NELL2: variants seen among roughly 807,000 people sequenced by gnomAD.
The protein encoded by NELL2 is neural EGFL like 2.
A neutral mutation model predicts 109.6 loss-of-function variants in NELL2; 41 were observed. That is an observed-to-expected ratio of 0.37 (90% confidence interval 0.29 to 0.49). NELL2 has a LOEUF of 0.49. Among genes scored for constraint, NELL2 ranks in the 20% least tolerant of loss-of-function variants. The pLI, the probability that NELL2 is intolerant of heterozygous loss-of-function variation, is 0.98. For missense variants in NELL2, 900 were observed against 1,008.3 expected, an observed-to-expected ratio of 0.89 and a Z score of 1.45; for synonymous variants, 355 against 344.7, an observed-to-expected ratio of 1.03 and a Z score of -0.33.
At chr12:44,643,311 C>G (rs893431401) in intron 13 of NELL2, among the ~76,000 whole-genome samples, 1 of 151,998 alleles carries the variant, frequency 6.6e-6, no homozygotes, top group Admixed American at 6.6e-5. Flanking sequence ...AGCTACAATA[C>G]CATTCTAAAT....
At chr12:44,852,000 G>T (rs1322119739) in intron 2 of NELL2, among the ~76,000 whole-genome samples, 1 of 152,006 alleles carries the variant, frequency 6.6e-6, no homozygotes, top group Non-Finnish European at 1.5e-5. Flanking sequence ...TTAAAAGCAA[G>T]TATCTCTGCA....
intron 1 of NELL2, 182 bp downstream of exon 1, chr12:44,875,633 T>C (rs1945295952): frequency 6.2e-7 from 1 of 1,604,594 alleles, no homozygotes. Context: ...GTGATCCGCC[T>C]CGCGGTCTCC....
chr12:44,738,689 G>A (rs1319526814), intron 9 of NELL2, among the ~76,000 whole-genome samples: 3 of 152,128 alleles, frequency 2.0e-5, no homozygotes, highest in Admixed American at 6.5e-5. Context: ...AAGGATGTTG[G>A]TCAAAGGATA....
chr12:44,770,940 A>T (rs565413185), intron 9 of NELL2, among the ~76,000 whole-genome samples: 1 of 152,350 alleles, frequency 6.6e-6, no homozygotes, highest in African/African-American at 2.4e-5. Flanking sequence ...CAGAAAAATT[A>T]AATTGTTTCC....
chr12:44,531,493 C>A (rs185348556), intron 16 of NELL2, among the ~76,000 whole-genome samples: 1 of 152,212 alleles, frequency 6.6e-6, no homozygotes, highest in Non-Finnish European at 1.5e-5. Context: ...ATGCAAATGC[C>A]AGGTTTTAGC....
At chr12:44,779,317 A>T (rs916406344) in intron 5 of NELL2, among the ~76,000 whole-genome samples, 2 of 152,206 alleles carry the variant, frequency 1.3e-5, no homozygotes, top group African/African-American at 4.8e-5. Context: ...ACATCTTTGT[A>T]AAAGTATCAT....
At chr12:44,597,540 C>T (rs143673725) in intron 15 of NELL2, among the ~76,000 whole-genome samples, 2 of 152,306 alleles carry the variant, frequency 1.3e-5, no homozygotes, top group Admixed American at 6.5e-5. Flanking sequence ...TTGGCTCATA[C>T]TTAACTTCGA....
intron 3 of NELL2, among the ~76,000 whole-genome samples, chr12:44,783,854 G>T (rs975841167): frequency 6.6e-6 from 1 of 151,844 alleles, no homozygotes; most frequent in Non-Finnish European, 1.5e-5. Context: ...CCAAAAAACA[G>T]ATAAAGATAG....
chr12:44,518,362 A>G (rs575928422), intron 19 of NELL2, among the ~76,000 whole-genome samples: 14 of 151,596 alleles, frequency 9.2e-5, no homozygotes, highest in Admixed American at 1.3e-4. Flanking sequence ...CTCCTACCTC[A>G]GCCTCCTGAG....
chr12:44,554,836 G>T (rs1947351), intron 15 of NELL2, among the ~76,000 whole-genome samples: 112,210 of 152,082 alleles, frequency 0.74, 42,581 homozygotes, highest in East Asian at 1. Flanking sequence ...TGAGGAGGGA[G>T]AGTTGGTGTG....
intron 13 of NELL2, among the ~76,000 whole-genome samples, chr12:44,653,488 C>G (rs1947375925): frequency 6.6e-6 from 1 of 152,110 alleles, no homozygotes; most frequent in Admixed American, 6.6e-5. Context: ...TACGCCATTT[C>G]CTGTCTTCTG....
intron 9 of NELL2, among the ~76,000 whole-genome samples, chr12:44,733,892 T>C (rs1939503302): frequency 6.6e-6 from 1 of 152,066 alleles, no homozygotes; most frequent in Admixed American, 6.5e-5. Flanking sequence ...ATTTCAGTTC[T>C]TTGAAATTTG....
intron 13 of NELL2, among the ~76,000 whole-genome samples, chr12:44,646,086 T>C (rs1346205516): frequency 6.6e-6 from 1 of 152,068 alleles, no homozygotes; most frequent in Non-Finnish European, 1.5e-5. Context: ...TTATCCTCCA[T>C]AGCATCAAGC....
chr12:44,654,601 C>T (rs758038803), intron 13 of NELL2, among the ~76,000 whole-genome samples: 5 of 152,144 alleles, frequency 3.3e-5, no homozygotes, highest in Non-Finnish European at 7.4e-5. Context: ...AGATTCCTGA[C>T]CCACAGACAC....
At chr12:44,564,967 A>G (rs1024919373) in intron 15 of NELL2, among the ~76,000 whole-genome samples, 1 of 152,182 alleles carries the variant, frequency 6.6e-6, no homozygotes, top group African/African-American at 2.4e-5. Flanking sequence ...TGGTTCTCAC[A>G]GTGTGGACCC....
At chr12:44,769,837 C>G (rs1566352623) in intron 9 of NELL2, among the ~76,000 whole-genome samples, 1 of 152,116 alleles carries the variant, frequency 6.6e-6, no homozygotes, top group South Asian at 2.1e-4. Context: ...GATGCAGCTA[C>G]ATTTTTGACC....
chr12:44,544,487 A>G (rs1342310331), intron 15 of NELL2, among the ~76,000 whole-genome samples: 1 of 152,116 alleles, frequency 6.6e-6, no homozygotes, highest in African/African-American at 2.4e-5. Flanking sequence ...TTATGAGAAA[A>G]TAGTCCCTCA....
At chr12:44,725,255 A>C (rs1255905600) in intron 9 of NELL2, among the ~76,000 whole-genome samples, 2 of 152,192 alleles carry the variant, frequency 1.3e-5, no homozygotes, top group African/African-American at 4.8e-5. Flanking sequence ...CAACAAAAGC[A>C]AAAATTGACA....
intron 3 of NELL2, among the ~76,000 whole-genome samples, chr12:44,799,563 C>G (rs1566424552): frequency 6.6e-6 from 1 of 152,184 alleles, no homozygotes; most frequent in Non-Finnish European, 1.5e-5. Flanking sequence ...CATCTTACTA[C>G]CACTTTATAA....
Sources: allele counts gnomAD v4.1 joint callset (sites outside exome capture counted in the v4.1 genomes callset), GRCh38; gene constraint gnomAD v4.1.1; transcripts MANE v1.5; gene names NCBI Gene and HGNC (gene_info 2026-07-23, HGNC 2026-07-21).